ADGRB3: variants seen among roughly 807,000 people sequenced by gnomAD.
The protein encoded by ADGRB3 is brain-specific angiogenesis inhibitor 3.
In ADGRB3, 37 loss-of-function variants were observed where a neutral mutation model predicts 193.4. The ratio of observed to expected loss-of-function variants is 0.19; its 90% CI spans 0.15 to 0.25. ADGRB3 has a LOEUF of 0.25. ADGRB3 is among the 10% of genes least tolerant of loss of function. ADGRB3 has a pLI of 1.00. For synonymous variants in ADGRB3, 690 were observed against 644.2 expected (o/e 1.07, Z -1.08); for missense variants, 1,637 against 1,852.9 (o/e 0.88, Z 2.14).
chr6:69,271,508 T>C (rs927893941), intron 20 of ADGRB3, among the ~76,000 whole-genome samples: 20 of 152,214 alleles, frequency 1.3e-4, no homozygotes, highest in African/African-American at 4.8e-4. Flanking sequence ...TCTAGATTTT[T>C]TCTGCTTACA....
At chr6:69,288,274 A>T (rs1251302906) in intron 20 of ADGRB3, among the ~76,000 whole-genome samples, 1 of 151,974 alleles carries the variant, frequency 6.6e-6, no homozygotes, top group African/African-American at 2.4e-5. Flanking sequence ...TTCAACTCCC[A>T]CTTATGAGTG....
At chr6:68,855,536 C>G (rs1348725981) in intron 3 of ADGRB3, among the ~76,000 whole-genome samples, 1 of 151,604 alleles carries the variant, frequency 6.6e-6, no homozygotes, top group Non-Finnish European at 1.5e-5. Context: ...ATATATAACA[C>G]TAAAATATAT....
intron 28 of ADGRB3, among the ~76,000 whole-genome samples, chr6:69,359,745 A>G (rs1251385568): frequency 6.6e-6 from 1 of 151,926 alleles, no homozygotes; most frequent in Non-Finnish European, 1.5e-5. Context: ...ATCTATGCCT[A>G]ATGAAATTTT....
chr6:68,738,567 T>C (rs917015113), intron 3 of ADGRB3, among the ~76,000 whole-genome samples: 1 of 152,092 alleles, frequency 6.6e-6, no homozygotes, highest in Non-Finnish European at 1.5e-5. Flanking sequence ...AATGAGAAAT[T>C]ATTTGAGTCT....
At position 68,869,524 on chromosome 6, in the gene ADGRB3, A is replaced by T. The variant is rs12525424; in HGVS notation, c.758-61035A>T. Among the ~76,000 whole-genome samples the T allele has an allele frequency of 3.3e-3, 508 of 152,260 alleles. 3 individuals are homozygous for T. The highest frequency in any genetic ancestry group is 0.011 in the African/African-American group (442 of 41,572). On this transcript the variant is annotated intron_variant, in intron 3 of 31. Coordinates refer to ENST00000370598, the MANE Select transcript of ADGRB3 (RefSeq NM_001704.3). ...AGTTCAAGCATTTATGATGCAAATA[A>T]TGCTGACAAATTTTAGCAAGCAACA...
rs1562128902 is a variant in ADGRB3 at position 69,031,053 on chromosome 6, T to TTC, written c.2107+12554_2107+12555insTC. Among the ~76,000 whole-genome samples, 121 of 21,188 alleles carry TTC rather than the reference T, an allele frequency of 5.7e-3. 14 individuals carry two copies. The highest frequency in any genetic ancestry group is 0.036 in the Middle Eastern group (1 of 28). The allele number at this position is 21,188 out of a possible 152,430, so 13.9% of individuals were successfully genotyped here. A position where few individuals can be genotyped will look rare whatever the true frequency, so the allele number is the denominator to read the frequency against. Reference sequence around the variant, plus strand: ...TCTTCTCTTCTCTCTTCTCTTCTCTTCTCTTCTCTTCTCTTCTCTTCTCTT... The same window carrying TTC: ...TCTTCTCTTCTCTCTTCTCTTCTCTTTCCTCTTCTCTTCTCTTCTCTTCTCTT... On this transcript the variant is annotated intron_variant, in intron 13 of 31. Transcript: ENST00000370598.
At chr6:68,680,281 G>GA (rs201739281) in intron 3 of ADGRB3, among the ~76,000 whole-genome samples, 13 of 144,516 alleles carry the variant, frequency 9.0e-5, no homozygotes, top group East Asian at 2.0e-4. Context: ...CAACTAGAAG[G>GA]AAAAAAAAAC....
intron 20 of ADGRB3, among the ~76,000 whole-genome samples, chr6:69,297,410 C>CTCTATATATATA (rs1554192101): frequency 3.9e-5 from 5 of 128,240 alleles, no homozygotes; most frequent in African/African-American, 1.5e-4. Flanking sequence ...CTCTCTCTCT[C>CTCTATATATATA]TATATATATA....
At chr6:69,263,136 C>T (rs1383885247) in intron 20 of ADGRB3, among the ~76,000 whole-genome samples, 1 of 151,870 alleles carries the variant, frequency 6.6e-6, no homozygotes, top group African/African-American at 2.4e-5. Flanking sequence ...CAATAAACAC[C>T]ACTTTGTTAT....
chr6:69,342,020 A>G (rs1768984991), intron 26 of ADGRB3, among the ~76,000 whole-genome samples: 1 of 152,132 alleles, frequency 6.6e-6, no homozygotes, highest in Non-Finnish European at 1.5e-5. Context: ...CTAATTATCA[A>G]ATGTTTGCTG....
intron 17 of ADGRB3, among the ~76,000 whole-genome samples, chr6:69,142,134 C>A (rs186605046): frequency 2.0e-4 from 30 of 152,064 alleles, no homozygotes; most frequent in Non-Finnish European, 3.2e-4. Flanking sequence ...AATATAATAT[C>A]TTTAGTTAGA....
rs1767509552 is a variant in ADGRB3, at chr6:68,937,240, A to G, written c.1030+560A>G. 3.3e-5 allele frequency among the ~76,000 whole-genome samples: 5 copies of G among 152,162 alleles called. No individual in the cohort carries two copies. In the South Asian group the frequency reaches 6.2e-4, roughly 19 times the overall value. On this transcript the variant is annotated intron_variant, in intron 5 of 31. Transcript: ENST00000370598. ...AAACTTAATGAAGAGAGAGAGAGAG[A>G]GAGAGAGATCTTTAATGTTAAATGA... is the stretch of plus-strand genomic sequence containing the variant.
At chr6:69,062,815 C>T (rs887505525) in intron 15 of ADGRB3, 119 bp from the exon 16 acceptor site, 7 of 673,000 alleles carry the variant, frequency 1.0e-5, no homozygotes, top group South Asian at 4.3e-5. Flanking sequence ...AATAATACTA[C>T]GATTTATGTT....
intron 30 of ADGRB3, among the ~76,000 whole-genome samples, chr6:69,378,028 T>C (rs1027146010): frequency 2.1e-4 from 32 of 152,078 alleles, no homozygotes; most frequent in African/African-American, 7.7e-4. Context: ...GGCCTATATG[T>C]CTATGCTGTC....
intron 3 of ADGRB3, among the ~76,000 whole-genome samples, chr6:68,642,589 C>T (rs1366568483): frequency 6.6e-6 from 1 of 151,990 alleles, no homozygotes; most frequent in Non-Finnish European, 1.5e-5. Context: ...TAAAGTATTA[C>T]ATTTGAGTAC....
chr6:69,312,916 T>C (rs913797136), intron 20 of ADGRB3, among the ~76,000 whole-genome samples: 9 of 151,810 alleles, frequency 5.9e-5, no homozygotes, highest in African/African-American at 1.9e-4. Context: ...TATGAATTGT[T>C]ATTGTTGTTA....
chr6:69,292,765 A>T (rs1399533785), intron 20 of ADGRB3, among the ~76,000 whole-genome samples: 1 of 151,766 alleles, frequency 6.6e-6, no homozygotes, highest in African/African-American at 2.4e-5. Flanking sequence ...CATGTGCACA[A>T]TGTGCAGGTT....
intron 3 of ADGRB3, among the ~76,000 whole-genome samples, chr6:68,851,922 T>TTC (rs1768410968): frequency 6.6e-6 from 1 of 151,882 alleles, no homozygotes; most frequent in Non-Finnish European, 1.5e-5. Flanking sequence ...TCTTGACTGA[T>TTC]TCATGAAATC....
intron 20 of ADGRB3, among the ~76,000 whole-genome samples, chr6:69,255,914 T>C (rs1289318599): frequency 2.0e-5 from 3 of 152,222 alleles, no homozygotes; most frequent in African/African-American, 4.8e-5. Flanking sequence ...TTCAGCTTTC[T>C]ACATATGGCT....
Sources: gnomAD v4.1 joint callset for allele counts (sites outside exome capture counted in the v4.1 genomes callset) on GRCh38, gnomAD v4.1.1 for gene constraint, MANE v1.5 for transcripts, NCBI Gene and HGNC (gene_info 2026-07-23, HGNC 2026-07-21) for gene names.